Variants in PSMD12 observed in about 807,000 individuals in gnomAD.
PSMD12 encodes proteasome 26S subunit, non-ATPase 12.
Under a neutral mutation model 62.9 loss-of-function variants are expected in PSMD12, and 8 were observed. The ratio of observed to expected loss-of-function variants is 0.13; its 90% CI spans 0.07 to 0.23. The LOEUF is 0.23. PSMD12 is among the 10% of genes least tolerant of loss of function. The pLI is 1.00. For missense variants in PSMD12, 424 were observed against 550.2 expected (o/e 0.77, Z 2.29); for synonymous variants, 173 against 187.4 (o/e 0.92, Z 0.63).
intron 8 of PSMD12, 56 bp from the exon 9 acceptor site, chr17:67,344,836 A>G: frequency 7.4e-7 from 1 of 1,345,298 alleles, no homozygotes; most frequent in South Asian, 1.9e-5. Flanking sequence ...GTATTAACTA[A>G]TATAATAGCA....
chr17:67,356,300 A>G (rs1458139761), intron 3 of PSMD12, among the ~76,000 whole-genome samples: 2 of 152,198 alleles, frequency 1.3e-5, no homozygotes, highest in South Asian at 2.1e-4. Flanking sequence ...TTGGGATAAT[A>G]TAAGAAAATG....
chr17:67,345,683 C>A, intron 8 of PSMD12, 62 bp downstream of exon 8: 1 of 1,423,568 alleles, frequency 7.0e-7, no homozygotes, highest in South Asian at 1.2e-5. Flanking sequence ...TTAGGTTAGC[C>A]AATTTTCTTT....
intron 4 of PSMD12, among the ~76,000 whole-genome samples, chr17:67,349,160 C>A (rs988781512): frequency 6.6e-6 from 1 of 152,156 alleles, no homozygotes; most frequent in Non-Finnish European, 1.5e-5. Context: ...GCTGGGATTA[C>A]AGGCATGCGC....
At position 67,357,282 on chromosome 17, in the gene PSMD12, C is replaced by G. The variant is rs1002989330; in HGVS notation, c.297+21G>C. The G allele has an allele frequency of 3.1e-6, 5 of 1,601,654 alleles. No homozygotes were observed. In the African/African-American group the frequency reaches 5.4e-5, roughly 17 times the overall value. On this transcript the variant is annotated intron_variant, in intron 3 of 10. Coordinates refer to ENST00000356126, the MANE Select transcript of PSMD12 (RefSeq NM_002816.5). ...AATACAAATGCTTTTGTGTTTGGAG[C>G]AGACATGATCATGAACTCACTTGTT...
At chr17:67,352,383 T>C (rs188250470) in intron 3 of PSMD12, among the ~76,000 whole-genome samples, 1 of 152,332 alleles carries the variant, frequency 6.6e-6, no homozygotes, top group Admixed American at 6.5e-5. Context: ...TCTGAAACAC[T>C]GGCTATTTAG....
At chr17:67,343,415 T>C (rs2041933753) in intron 9 of PSMD12, among the ~76,000 whole-genome samples, 2 of 152,174 alleles carry the variant, frequency 1.3e-5, no homozygotes. Flanking sequence ...TAGTCTTCTC[T>C]AGTCTCCTAT....
chr17:67,360,888 T>G (rs938239311), intron 1 of PSMD12, among the ~76,000 whole-genome samples: 1 of 152,248 alleles, frequency 6.6e-6, no homozygotes, highest in Non-Finnish European at 1.5e-5. Flanking sequence ...TTTAGTGCTA[T>G]TTGAAGGACA....
intron 9 of PSMD12, among the ~76,000 whole-genome samples, chr17:67,344,315 T>C (rs1017654610): frequency 2.6e-5 from 4 of 152,128 alleles, no homozygotes; most frequent in South Asian, 4.1e-4. Context: ...AGCTATCTTT[T>C]CTGAAAAGCC....
At chr17:67,356,512 C>T (rs1170817634) in intron 3 of PSMD12, among the ~76,000 whole-genome samples, 3 of 117,912 alleles carry the variant, frequency 2.5e-5, no homozygotes, top group African/African-American at 9.6e-5. Context: ...GAGCCGAGAT[C>T]GCGCCACTGC....
intron 7 of PSMD12, among the ~76,000 whole-genome samples, chr17:67,346,677 T>A (rs969969759): frequency 6.6e-6 from 1 of 152,242 alleles, no homozygotes; most frequent in Non-Finnish European, 1.5e-5. Context: ...ACAAAACTAT[T>A]ATAATAAATC....
intron 2 of PSMD12, 31 bp from the exon 3 acceptor site, chr17:67,357,462 T>C (rs534186516): frequency 1.9e-6 from 3 of 1,613,088 alleles, no homozygotes; most frequent in East Asian, 2.2e-5. Context: ...TGAAAGTTAA[T>C]GGAAGAATGT....
intron 5 of PSMD12, 99 bp downstream of exon 5, chr17:67,348,451 T>C: frequency 2.1e-6 from 2 of 944,760 alleles, no homozygotes; most frequent in Non-Finnish European, 1.6e-6. Flanking sequence ...TAATTATTGG[T>C]CCCAAACATT....
chr17:67,350,184 A>G, intron 4 of PSMD12, 45 bp downstream of exon 4: 2 of 1,326,278 alleles, frequency 1.5e-6, no homozygotes, highest in Non-Finnish European at 2.1e-6. Context: ...TGAATACAGA[A>G]AAAACAGTTC....
intron 4 of PSMD12, among the ~76,000 whole-genome samples, chr17:67,348,925 G>A (rs897218257): frequency 1.3e-5 from 2 of 152,160 alleles, no homozygotes; most frequent in African/African-American, 2.4e-5. Context: ...GAGCCCCAGA[G>A]TTCAAGGCTA....
intron 4 of PSMD12, 104 bp from the exon 5 acceptor site, chr17:67,348,758 A>G: frequency 1.1e-6 from 1 of 933,522 alleles, no homozygotes; most frequent in Non-Finnish European, 1.6e-6. Context: ...GACATTTTGG[A>G]AGGCTGAGGC....
Position 67,357,434 on chromosome 17 carries a change from G to T in PSMD12, c.169-3C>A. On this transcript the variant is annotated splice_region_variant and splice_polypyrimidine_tract_variant and intron_variant, in intron 2 of 10. Coordinates refer to ENST00000356126, the MANE Select transcript of PSMD12 (RefSeq NM_002816.5). ...GATGTCGATACCATATCGGAAGCCT[G>T]TAAGGGTAAAAATATATTGAAAGTT... 1 of 1,613,540 alleles carries T rather than the reference G, an allele frequency of 6.2e-7. No individual in the cohort carries two copies. Among genetic ancestry groups the T allele is most frequent in the African/African-American group, 1.3e-5 (1 of 75,020 alleles).
chr17:67,363,064 T>C (rs967252341), intron 1 of PSMD12, among the ~76,000 whole-genome samples: 3 of 152,216 alleles, frequency 2.0e-5, no homozygotes, highest in Admixed American at 6.5e-5. Flanking sequence ...ATTTGGCAAT[T>C]TTACAAACCA....
At chr17:67,350,546 AGAT>A (rs907482010) in intron 3 of PSMD12, among the ~76,000 whole-genome samples, 4 of 152,236 alleles carry the variant, frequency 2.6e-5, no homozygotes, top group African/African-American at 9.6e-5. Flanking sequence ...GGAAAACCTC[AGAT>A]GCAGAGATGC....
chr17:67,361,920 A>AAGGG (rs1170715145), intron 1 of PSMD12, among the ~76,000 whole-genome samples: 10 of 116,246 alleles, frequency 8.6e-5, no homozygotes, highest in Middle Eastern at 5.2e-3. Flanking sequence ...GGAAGGAAGG[A>AAGGG]AGGGAGGGAG....
Sources: gnomAD v4.1 joint callset for allele counts (sites outside exome capture counted in the v4.1 genomes callset) on GRCh38, gnomAD v4.1.1 for gene constraint, MANE v1.5 for transcripts, NCBI Gene and HGNC (gene_info 2026-07-23, HGNC 2026-07-21) for gene names.